MAGI2: variants seen among roughly 807,000 people sequenced by gnomAD.
MAGI2 encodes the protein membrane-associated guanylate kinase, WW and PDZ domain-containing protein 2.
A neutral mutation model predicts 133.3 loss-of-function variants in MAGI2; 35 were observed. That is an observed-to-expected ratio of 0.26 (90% CI 0.20 to 0.35). MAGI2 has a LOEUF of 0.35. Among genes scored for constraint, MAGI2 ranks in the 10% least tolerant of loss-of-function variants. The pLI, the probability that MAGI2 is intolerant of heterozygous loss-of-function variation, is 1.00. For synonymous variants in MAGI2, 729 were observed against 710.6 expected (o/e 1.03, Z -0.41); for missense variants, 1,636 against 1,863.4 (o/e 0.88, Z 2.25).
intron 1 of MAGI2, among the ~76,000 whole-genome samples, chr7:79,293,045 T>C (rs1294165125): frequency 6.6e-6 from 1 of 152,206 alleles, no homozygotes; most frequent in African/African-American, 2.4e-5. Context: ...TGGGTCAGTA[T>C]GTACTATCCC....
intron 2 of MAGI2, among the ~76,000 whole-genome samples, chr7:78,849,334 A>ACAAAC (rs762693018): frequency 7.9e-5 from 12 of 152,054 alleles, no homozygotes; most frequent in Admixed American, 1.3e-4. Context: ...CAAAAACAAA[A>ACAAAC]CAAACAAAGC....
chr7:78,401,364 T>C (rs1158881565), intron 6 of MAGI2, among the ~76,000 whole-genome samples: 1 of 152,186 alleles, frequency 6.6e-6, no homozygotes, highest in African/African-American at 2.4e-5. Flanking sequence ...ACTTAATATT[T>C]TAACTTGCAT....
intron 3 of MAGI2, among the ~76,000 whole-genome samples, chr7:78,558,817 A>C (rs962225697): frequency 6.7e-6 from 1 of 149,668 alleles, no homozygotes; most frequent in Non-Finnish European, 1.5e-5. Flanking sequence ...CTATTCTAAC[A>C]ATGGATCCTT....
At chr7:78,888,606 C>T (rs1182863545) in intron 2 of MAGI2, among the ~76,000 whole-genome samples, 1 of 152,206 alleles carries the variant, frequency 6.6e-6, no homozygotes, top group South Asian at 2.1e-4. Context: ...ACTGCTGATA[C>T]CCATGCAAAC....
chr7:78,065,528 C>A, intron 21 of MAGI2: 1 of 643,124 alleles, frequency 1.6e-6, no homozygotes, highest in Non-Finnish European at 2.8e-6. Context: ...ATATGCAAAA[C>A]CAAGGCTCAT....
At chr7:78,627,352 A>C in intron 2 of MAGI2, 113 bp from the exon 3 acceptor site, 2 of 1,011,364 alleles carry the variant, frequency 2.0e-6, no homozygotes, top group East Asian at 3.1e-5. Flanking sequence ...ACATCCTGCA[A>C]GTTGGCAGTT....
chr7:78,060,255 TC>T (rs397839346), intron 21 of MAGI2, among the ~76,000 whole-genome samples: 2 of 43,976 alleles, frequency 4.5e-5, no homozygotes, highest in African/African-American at 8.0e-5. Flanking sequence ...CCCCCCCCCC[TC>T]TTTAGATTAG....
intron 2 of MAGI2, among the ~76,000 whole-genome samples, chr7:78,831,542 A>G (rs1400801460): frequency 6.6e-6 from 1 of 152,078 alleles, no homozygotes; most frequent in Non-Finnish European, 1.5e-5. Flanking sequence ...GTAAGCACCC[A>G]GCCAAAAATT....
intron 21 of MAGI2, among the ~76,000 whole-genome samples, chr7:78,038,701 CT>C (rs1317508033): frequency 6.6e-6 from 1 of 152,132 alleles, no homozygotes; most frequent in Admixed American, 6.5e-5. Flanking sequence ...ACTTTGTAAA[CT>C]GTGGGAGGCA....
intron 2 of MAGI2, among the ~76,000 whole-genome samples, chr7:78,810,673 T>A (rs1341131058): frequency 6.6e-6 from 1 of 152,096 alleles, no homozygotes; most frequent in African/African-American, 2.4e-5. Flanking sequence ...TCTTTATGCC[T>A]CTAGATAATG....
rs559767919 is a variant in MAGI2 at position 79,013,373 on chromosome 7, G to A, written c.302-6167C>T. On this transcript the variant is annotated intron_variant, in intron 1 of 21. Coordinates refer to ENST00000354212, the MANE Select transcript of MAGI2 (RefSeq NM_012301.4). Reference sequence around the variant, plus strand: ...ATAAGTAGGAAAGTAGTTAAGCAAAGCAGTCTGTGAGGAATTAGAAGAGAA... The same window carrying A: ...ATAAGTAGGAAAGTAGTTAAGCAAAACAGTCTGTGAGGAATTAGAAGAGAA... Among the ~76,000 whole-genome samples, 5 of 152,230 alleles carry A rather than the reference G, an allele frequency of 3.3e-5. No individual in the cohort carries two copies. In the South Asian group the frequency reaches 1.0e-3, roughly 32 times the overall value.
intron 3 of MAGI2, among the ~76,000 whole-genome samples, chr7:78,549,185 A>C (rs1229643319): frequency 6.6e-6 from 1 of 152,102 alleles, no homozygotes; most frequent in Non-Finnish European, 1.5e-5. Flanking sequence ...GATAGATATA[A>C]GTGGGCCTGG....
At chr7:79,191,161 C>T (rs1199858499) in intron 1 of MAGI2, among the ~76,000 whole-genome samples, 3 of 151,336 alleles carry the variant, frequency 2.0e-5, no homozygotes, top group Admixed American at 6.6e-5. Context: ...TAGTTTGATA[C>T]TTCTAGTTTT....
chr7:78,324,741 A>G (rs1303317823), intron 9 of MAGI2, among the ~76,000 whole-genome samples: 1 of 152,094 alleles, frequency 6.6e-6, no homozygotes, highest in African/African-American at 2.4e-5. Flanking sequence ...CTGGTGGAAC[A>G]CCTGAGGTCA....
At chr7:78,535,040 G>C (rs565607140) in intron 3 of MAGI2, among the ~76,000 whole-genome samples, 96 of 152,260 alleles carry the variant, frequency 6.3e-4, no homozygotes, top group African/African-American at 2.1e-3. Context: ...GGCTGAGGCA[G>C]AGAAATGCTT....
chr7:78,722,452 T>A (rs1465993654), intron 2 of MAGI2, among the ~76,000 whole-genome samples: 2 of 152,066 alleles, frequency 1.3e-5, no homozygotes, highest in East Asian at 3.8e-4. Context: ...TGAGGGTATA[T>A]TCATAGTCAC....
At chr7:78,391,954 A>G (rs1315423667) in intron 6 of MAGI2, among the ~76,000 whole-genome samples, 3 of 152,238 alleles carry the variant, frequency 2.0e-5, no homozygotes, top group Non-Finnish European at 4.4e-5. Flanking sequence ...GTTTCAGAGA[A>G]ATTGGCTTTA....
intron 1 of MAGI2, among the ~76,000 whole-genome samples, chr7:79,227,728 G>T (rs1294641615): frequency 6.6e-6 from 1 of 152,126 alleles, no homozygotes; most frequent in African/African-American, 2.4e-5. Flanking sequence ...AAGCAAATTA[G>T]AAAAGAAATC....
intron 3 of MAGI2, among the ~76,000 whole-genome samples, chr7:78,556,717 C>T (rs1799856823): frequency 1.3e-5 from 2 of 152,152 alleles, no homozygotes. Context: ...CTCAAGCTTT[C>T]CCCTTACAGA....
Sources: allele counts gnomAD v4.1 joint callset (sites outside exome capture counted in the v4.1 genomes callset), GRCh38; gene constraint gnomAD v4.1.1; transcripts MANE v1.5; gene names NCBI Gene and HGNC (gene_info 2026-07-23, HGNC 2026-07-21).